Variants in DEPDC5 observed in about 807,000 individuals in gnomAD.
The protein encoded by DEPDC5 is GATOR1 complex protein DEPDC5.
Under a neutral mutation model 217.3 loss-of-function variants are expected in DEPDC5, and 73 were observed. That is an observed-to-expected ratio of 0.34 (90% CI 0.28 to 0.41). DEPDC5 has a LOEUF of 0.41. Ranked by LOEUF, DEPDC5 falls within the 10% of genes least tolerant of loss-of-function variation. The probability of loss-of-function intolerance (pLI) is 1.00; values close to 1 mark genes in which losing one functional copy is unlikely to be tolerated. For missense variants in DEPDC5, 1,675 were observed against 2,070.1 expected, an observed-to-expected ratio of 0.81 and a Z score of 3.70; for synonymous variants, 733 against 756.7, an observed-to-expected ratio of 0.97 and a Z score of 0.51.
intron 12 of DEPDC5, 95 bp downstream of exon 12, chr22:31,792,912 C>T (rs916284535): frequency 6.5e-6 from 7 of 1,081,636 alleles, no homozygotes; most frequent in Non-Finnish European, 8.7e-6. Flanking sequence ...TGGCGAAACC[C>T]TGTCTCTACC....
intron 20 of DEPDC5, among the ~76,000 whole-genome samples, chr22:31,813,512 C>T (rs1190913898): frequency 1.3e-5 from 2 of 152,110 alleles, no homozygotes; most frequent in Non-Finnish European, 2.9e-5. Context: ...TAAAAAAATC[C>T]TTCCAGGAGG....
chr22:31,800,385 G>T (rs1178328083), intron 14 of DEPDC5, among the ~76,000 whole-genome samples: 1 of 152,050 alleles, frequency 6.6e-6, no homozygotes, highest in African/African-American at 2.4e-5. Flanking sequence ...CCAGACCTAG[G>T]TGATGATGCC....
chr22:31,801,777 G>T (rs192092842), intron 14 of DEPDC5, among the ~76,000 whole-genome samples: 1 of 152,066 alleles, frequency 6.6e-6, no homozygotes, highest in East Asian at 1.9e-4. Flanking sequence ...GTGATGATAC[G>T]CGTACACATC....
intron 35 of DEPDC5, chr22:31,873,966 T>A: frequency 3.5e-6 from 1 of 287,688 alleles, no homozygotes; most frequent in Admixed American, 5.6e-5. Flanking sequence ...CTGATTTTTG[T>A]ATTTTTAGTA....
chr22:31,761,993 A>G (rs1374075243), intron 4 of DEPDC5, among the ~76,000 whole-genome samples: 1 of 150,486 alleles, frequency 6.6e-6, no homozygotes, highest in Non-Finnish European at 1.5e-5. Flanking sequence ...AAAAAAATAC[A>G]CAACCTGCCT....
chr22:31,883,666 A>G (rs982195570), intron 38 of DEPDC5, among the ~76,000 whole-genome samples: 3 of 152,218 alleles, frequency 2.0e-5, no homozygotes, highest in Non-Finnish European at 2.9e-5. Flanking sequence ...TAATTTGCCC[A>G]AGGCTCTGCA....
At chr22:31,879,307 ACTC>A (rs1210421713) in intron 37 of DEPDC5, among the ~76,000 whole-genome samples, 1 of 150,898 alleles carries the variant, frequency 6.6e-6, no homozygotes, top group Non-Finnish European at 1.5e-5. Context: ...TCACCTTCCA[ACTC>A]CTCCTCCCAC....
chr22:31,886,779 G>T (rs9609379), intron 38 of DEPDC5, among the ~76,000 whole-genome samples: 1 of 132,348 alleles, frequency 7.6e-6, no homozygotes, highest in South Asian at 2.3e-4. Flanking sequence ...AAAAAAAAGA[G>T]AGAGAGAGAG....
At chr22:31,826,897 G>GTTT (rs74267286) in intron 24 of DEPDC5, among the ~76,000 whole-genome samples, 4 of 140,296 alleles carry the variant, frequency 2.9e-5, no homozygotes. Context: ...ATTATACATA[G>GTTT]TTTTTTTTTT....
At chr22:31,879,226 AC>A (rs2093107185) in intron 37 of DEPDC5, among the ~76,000 whole-genome samples, 1 of 151,740 alleles carries the variant, frequency 6.6e-6, no homozygotes, top group African/African-American at 2.4e-5. Context: ...ACAGTGTTGT[AC>A]AACTATCATG....
chr22:31,783,228 C>T (rs932147512), intron 8 of DEPDC5, among the ~76,000 whole-genome samples: 1 of 152,214 alleles, frequency 6.6e-6, no homozygotes, highest in African/African-American at 2.4e-5. Context: ...CCCCAGCCAG[C>T]AGCGGCAGCC....
At chr22:31,774,989 C>T (rs1378154952) in intron 7 of DEPDC5, among the ~76,000 whole-genome samples, 1 of 152,244 alleles carries the variant, frequency 6.6e-6, no homozygotes, top group African/African-American at 2.4e-5. Context: ...TGTTCATTCA[C>T]AGACGTAACT....
At chr22:31,834,066 G>A (rs1193198218) in intron 25 of DEPDC5, 86 bp downstream of exon 25, 2 of 1,331,072 alleles carry the variant, frequency 1.5e-6, no homozygotes, top group Non-Finnish European at 2.2e-6. Flanking sequence ...AAGCCCTGTG[G>A]GAAGTGAGTG....
chr22:31,861,543 G>C, intron 33 of DEPDC5, 110 bp downstream of exon 33: 2 of 1,154,340 alleles, frequency 1.7e-6, no homozygotes, highest in Non-Finnish European at 2.5e-6. Context: ...AGTTTGGGGG[G>C]CAGTTGAACT....
At chr22:31,815,819 G>A (rs533930076) in intron 21 of DEPDC5, 42 of 1,209,294 alleles carry the variant, frequency 3.5e-5, no homozygotes, top group Middle Eastern at 3.3e-4. Flanking sequence ...ATGAACCAAT[G>A]TTACCGCACC....
chr22:31,855,370 C>T (rs1389053467), intron 31 of DEPDC5, among the ~76,000 whole-genome samples: 1 of 149,194 alleles, frequency 6.7e-6, no homozygotes, highest in East Asian at 2.0e-4. Context: ...AGTTTTGCTT[C>T]AAAATATTTC....
chr22:31,840,987 C>T (rs2091354023), intron 27 of DEPDC5, among the ~76,000 whole-genome samples: 1 of 152,178 alleles, frequency 6.6e-6, no homozygotes, highest in Admixed American at 6.5e-5. Context: ...TGGGGTGCAC[C>T]TAATTTAGAA....
intron 38 of DEPDC5, among the ~76,000 whole-genome samples, chr22:31,890,848 C>T (rs1317856935): frequency 6.6e-6 from 1 of 151,998 alleles, no homozygotes; most frequent in Admixed American, 6.5e-5. Context: ...GCCTCAGCCT[C>T]CCGAGTAGCT....
intron 31 of DEPDC5, among the ~76,000 whole-genome samples, chr22:31,849,173 C>T (rs916849644): frequency 6.6e-6 from 1 of 152,146 alleles, no homozygotes; most frequent in South Asian, 2.1e-4. Flanking sequence ...CTTCTGAGCA[C>T]CCCCAGACTG....
Sources: allele counts gnomAD v4.1 joint callset (sites outside exome capture counted in the v4.1 genomes callset), GRCh38; gene constraint gnomAD v4.1.1; transcripts MANE v1.5; gene names NCBI Gene and HGNC (gene_info 2026-07-23, HGNC 2026-07-21).